The following PLCD1 variants were observed in gnomAD, a reference collection of about 807,000 sequenced individuals.
PLCD1 encodes the protein phospholipase C delta 1.
PLCD1 carries 71 observed loss-of-function variants against 87.4 expected under a neutral mutation model. The observed-to-expected ratio is 0.81, with a 90% CI of 0.67 to 0.99. PLCD1 has a LOEUF of 0.99. Ranked by LOEUF, PLCD1 falls within the 50% of genes least tolerant of loss-of-function variation. The pLI, the probability that PLCD1 is intolerant of heterozygous loss-of-function variation, is 0.00. For missense variants in PLCD1, 867 were observed against 1,001.5 expected, an observed-to-expected ratio of 0.87 and a Z score of 1.81; for synonymous variants, 348 against 399.2, an observed-to-expected ratio of 0.87 and a Z score of 1.53.
chr3:38,016,570 C>T lies in PLCD1; in HGVS notation c.349G>A (p.Asp117Asn). ...AGCCCCAGCACCCAGTGCTGGGCAT[C>T]AGCTGGCGATGGGGCGATGAGGTCT... ...TLDLIAPSPADAQHWVLGLHK... is the reference protein window; with the variant it reads ...TLDLIAPSPANAQHWVLGLHK... Residue 117 changes from aspartate to asparagine, a missense_variant, in exon 3 of 15, where the codon GAT (aspartate) becomes AAT (asparagine). Asp to Asn is a conservative substitution (Grantham distance 23). Transcript: ENST00000334661. The T allele has an allele frequency of 2.5e-6, 4 of 1,614,044 alleles. No homozygotes were observed. The highest frequency in any genetic ancestry group is 3.4e-6 in the Non-Finnish European group (4 of 1,179,942).
At position 38,007,749 on chromosome 3, in the gene PLCD1, G is replaced by C; in HGVS notation, c.*24C>G. Reference sequence around the variant, plus strand: ...GACAGAGGGCCCAGCCCACTCAGGGGGGACCCCACTGGCTTCCTCCAGCCT... The same window carrying C: ...GACAGAGGGCCCAGCCCACTCAGGGCGGACCCCACTGGCTTCCTCCAGCCT... On this transcript the variant is annotated 3_prime_UTR_variant, in exon 15 of 15. Transcript: ENST00000334661. The C allele has an allele frequency of 6.3e-7, 1 of 1,584,160 alleles. No individual in the cohort carries two copies. The highest frequency in any genetic ancestry group is 1.7e-5 in the Admixed American group (1 of 59,976).
At chr3:38,008,874 T>G in intron 11 of PLCD1, 168 bp downstream of exon 11, 2 of 667,010 alleles carry the variant, frequency 3.0e-6, no homozygotes, top group Non-Finnish European at 5.3e-6. Context: ...CACTGTGACA[T>G]GCTGGTGGGC....
chr3:38,027,179 G>A (rs1257307349), intron 1 of PLCD1, among the ~76,000 whole-genome samples: 2 of 152,182 alleles, frequency 1.3e-5, no homozygotes, highest in East Asian at 3.8e-4. Context: ...AGAAAGAGCT[G>A]GCTGGCTCGC....
rs1559371438 is a variant in PLCD1, at chr3:38,009,756, G to T, written c.1343C>A (p.Pro448His). 1 of 1,614,054 alleles carries T rather than the reference G, an allele frequency of 6.2e-7. No homozygotes were observed. The highest frequency in any genetic ancestry group is 1.3e-5 in the African/African-American group (1 of 75,056). ...GGCCTCAGGGCCACCCTCCCCTCCAGGGGGCAGGAGCCCCCCGAGCTTCTT... is the reference window on the plus strand; with the variant it reads ...GGCCTCAGGGCCACCCTCCCCTCCATGGGGCAGGAGCCCCCCGAGCTTCTT... The part of the protein sequence containing the change: ...KGKKLGGLLP[P>H]GGEGGPEATV... The change falls in exon 9 of 15, where the codon CCT (proline) becomes CAT (histidine). Residue 448 changes from proline to histidine, a missense_variant. Pro to His is a moderately conservative substitution (Grantham distance 77, BLOSUM62 -2). Coordinates refer to ENST00000334661, the MANE Select transcript of PLCD1 (RefSeq NM_006225.4).
intron 3 of PLCD1, among the ~76,000 whole-genome samples, chr3:38,015,373 A>C (rs1268898691): frequency 6.6e-6 from 1 of 152,220 alleles, no homozygotes; most frequent in African/African-American, 2.4e-5. Flanking sequence ...ACATGCCCAG[A>C]ACAGGAAAGT....
chr3:38,024,810 G>A (rs1397471141), intron 1 of PLCD1: 1 of 1,128,688 alleles, frequency 8.9e-7, no homozygotes, highest in Non-Finnish European at 1.2e-6. Flanking sequence ...GGAGGGCAGA[G>A]TCAGACCCCA....
intron 1 of PLCD1, 81 bp downstream of exon 1, chr3:38,029,425 G>A (rs2125553621): frequency 2.3e-6 from 3 of 1,281,772 alleles, no homozygotes; most frequent in African/African-American, 1.5e-5. Context: ...AGGAGCTGGG[G>A]GCTCCCTGTC....
chr3:38,027,467 T>C (rs1046290232), intron 1 of PLCD1, among the ~76,000 whole-genome samples: 4 of 152,264 alleles, frequency 2.6e-5, no homozygotes, highest in African/African-American at 4.8e-5. Flanking sequence ...AAGGGATTCA[T>C]CTGAGATGAG....
Position 38,007,846 on chromosome 3 carries a change from A to G in PLCD1, c.2198T>C (p.Val733Ala), listed in dbSNP as rs768927708. 3 of 1,614,012 alleles carry G rather than the reference A, an allele frequency of 1.9e-6. No homozygotes were observed. In the African/African-American group the frequency reaches 4.0e-5, roughly 22 times the overall value. ...GTCCCCGTTCTTAGACATGAGGTGG[A>G]CATGGCGGTATCCTGGTGGGTGGAC... ...LNSLKQGYRHVHLMSKNGDQH... is the reference protein window; with the variant it reads ...LNSLKQGYRHAHLMSKNGDQH... The change falls in exon 15 of 15, where the codon GTC becomes GCC. Residue 733 changes from valine (V) to alanine (A), a missense_variant. By Grantham distance (64) the Val-to-Ala change is moderately conservative. Coordinates refer to ENST00000334661, the MANE Select transcript of PLCD1 (RefSeq NM_006225.4).
At chr3:38,008,875 G>A in intron 11 of PLCD1, 167 bp downstream of exon 11, 1 of 667,510 alleles carries the variant, frequency 1.5e-6, no homozygotes, top group Non-Finnish European at 2.7e-6. Context: ...ACTGTGACAT[G>A]CTGGTGGGCA....
rs1297045663 is a variant in PLCD1 at position 38,029,526 on chromosome 3, C to CG, written c.13dup (p.Arg5ProfsTer12). On this transcript the variant is annotated frameshift_variant, in exon 1 of 15. Transcript: ENST00000334661. LOFTEE classifies it high-confidence loss of function. The stretch of plus-strand genomic sequence containing the variant: ...CTCACCGTGCAGGGTCAGGAAGTCC[C>CG]GGCCCGAGTCCATGCCCGACGGGCG... The CG allele has an allele frequency of 2.4e-5, 37 of 1,538,736 alleles. No homozygotes were observed. The highest frequency in any genetic ancestry group is 3.2e-5 in the Non-Finnish European group (37 of 1,146,528).
intron 1 of PLCD1, among the ~76,000 whole-genome samples, chr3:38,029,008 C>T (rs1700335308): frequency 6.6e-6 from 1 of 152,272 alleles, no homozygotes; most frequent in Non-Finnish European, 1.5e-5. Context: ...CCACGGTTAA[C>T]CTTGCACACC....
rs184334582 is a variant in PLCD1, at chr3:38,028,394, C to T, written c.34+1112G>A. On this transcript the variant is annotated intron_variant, in intron 1 of 14. Coordinates refer to ENST00000334661, the MANE Select transcript of PLCD1 (RefSeq NM_006225.4). The stretch of plus-strand genomic sequence containing the variant: ...TGGGCCAGGAGGACCAGGTCTGTGC[C>T]AACTGCAGAACACGAGATAGACTGG... 7.2e-5 allele frequency among the ~76,000 whole-genome samples: 11 copies of T among 152,272 alleles called. No individual in the cohort carries two copies. The East Asian group carries it at 2.1e-3, about 29-fold the overall frequency.
At chr3:38,024,684 C>A in intron 1 of PLCD1, 1 of 1,500,736 alleles carries the variant, frequency 6.7e-7, no homozygotes, top group Non-Finnish European at 8.9e-7. Context: ...GGAGCTAGTC[C>A]ACGAGCGGCG....
At chr3:38,014,463 C>A (rs1222240068) in intron 3 of PLCD1, 1 of 153,710 alleles carries the variant, frequency 6.5e-6, no homozygotes, top group African/African-American at 2.4e-5. Flanking sequence ...TTAGGCAAAG[C>A]TTTCGTGAAT....
At position 38,025,334 on chromosome 3, in the gene PLCD1, G is replaced by A. The variant is rs972555853; in HGVS notation, c.34+4172C>T. 2.6e-5 allele frequency among the ~76,000 whole-genome samples: 4 copies of A among 152,342 alleles called. No individual in the cohort carries two copies. The highest frequency in any genetic ancestry group is 4.1e-4 in the South Asian group (2 of 4,828). ...CCTTTGAGGCTGGCGCAGAACCGAAGGGCTGAGTCTGGGGAGAAAAGCTGA... is the reference window on the plus strand; with the variant it reads ...CCTTTGAGGCTGGCGCAGAACCGAAAGGCTGAGTCTGGGGAGAAAAGCTGA... On this transcript the variant is annotated intron_variant, in intron 1 of 14. Transcript: ENST00000334661. The surrounding 1 kb of genome is among the most constrained non-coding windows in gnomAD (Gnocchi z 4.0).
intron 1 of PLCD1, among the ~76,000 whole-genome samples, chr3:38,022,968 T>A (rs1194454055): frequency 6.6e-6 from 1 of 152,056 alleles, no homozygotes. Flanking sequence ...TACTTTTGCA[T>A]CAATCTAAGA....
At chr3:38,013,765 G>T (rs542853649) in intron 3 of PLCD1, among the ~76,000 whole-genome samples, 36 of 152,316 alleles carry the variant, frequency 2.4e-4, no homozygotes, top group African/African-American at 8.7e-4. Context: ...CTCTGCCAAA[G>T]GTGGGATTAT....
chr3:38,008,714 A>G, intron 11 of PLCD1, 78 bp from the exon 12 acceptor site: 1 of 1,302,776 alleles, frequency 7.7e-7, no homozygotes. Context: ...GGGTACACTA[A>G]GGCCTAGGGT....
Sources: gnomAD v4.1 joint callset for allele counts (sites outside exome capture counted in the v4.1 genomes callset) on GRCh38, gnomAD v4.1.1 for gene constraint, Gnocchi (gnomAD v3.1) non-coding constraint, MANE v1.5 for transcripts, NCBI Gene and HGNC (gene_info 2026-07-23, HGNC 2026-07-21) for gene names.